KHDRBS3: variants seen among roughly 807,000 people sequenced by gnomAD.
KHDRBS3 encodes the protein KH RNA binding domain containing, signal transduction associated 3.
In KHDRBS3, 23 loss-of-function variants were observed where a neutral mutation model predicts 45.6. The observed-to-expected ratio is 0.50, with a 90% CI of 0.36 to 0.72. The LOEUF is 0.72. Among genes scored for constraint, KHDRBS3 ranks in the 30% least tolerant of loss-of-function variants. The probability of loss-of-function intolerance (pLI) is 0.00; values close to 1 mark genes in which losing one functional copy is unlikely to be tolerated. For missense variants in KHDRBS3, 352 were observed against 424.8 expected, an observed-to-expected ratio of 0.83 and a Z score of 1.51; for synonymous variants, 162 against 156.5, an observed-to-expected ratio of 1.04 and a Z score of -0.26.
At chr8:135,526,157 T>C (rs1825172603) in intron 2 of KHDRBS3, among the ~76,000 whole-genome samples, 1 of 152,140 alleles carries the variant, frequency 6.6e-6, no homozygotes, top group Admixed American at 6.6e-5. Context: ...AGTGTACTCT[T>C]TGATGTTTGC....
At chr8:135,638,120 C>G (rs547765353) in intron 7 of KHDRBS3, among the ~76,000 whole-genome samples, 1 of 152,212 alleles carries the variant, frequency 6.6e-6, no homozygotes, top group Non-Finnish European at 1.5e-5. Flanking sequence ...GATTTAACCC[C>G]CACATCAATG....
chr8:135,652,362 T>G (rs2131220742), downstream of KHDRBS3, among the ~76,000 whole-genome samples: 1 of 152,324 alleles, frequency 6.6e-6, no homozygotes. Context: ...AAATCATTTT[T>G]CAGATCTTAA....
intron 3 of KHDRBS3, among the ~76,000 whole-genome samples, chr8:135,548,105 A>G (rs967894832): frequency 1.3e-5 from 2 of 152,202 alleles, no homozygotes. Context: ...TTTTTGAATG[A>G]ATATGCGAAC....
At position 135,625,237 on chromosome 8, in the gene KHDRBS3, CCTT is replaced by C. The variant is rs1448842337; in HGVS notation, c.890+18202_890+18204del. On this transcript the variant is annotated intron_variant, in intron 7 of 8. Coordinates refer to ENST00000355849, the MANE Select transcript of KHDRBS3 (RefSeq NM_006558.3). The stretch of plus-strand genomic sequence containing the variant: ...GCCTCCTTCATCAGATGTCACAAAG[CCTT>C]CATCTGTGGCATACAGAATGTCTAC... 2.2e-6 allele frequency: 3 copies of C among 1,384,552 alleles called. No homozygotes were observed. In the African/African-American group the frequency reaches 4.3e-5, roughly 20 times the overall value. 85.8% of individuals were successfully genotyped at this position (1,384,552 alleles called of 1,614,324 possible). A position where few individuals can be genotyped will look rare whatever the true frequency, so the allele number is the denominator to read the frequency against.
chr8:135,596,940 G>A (rs1242402166), intron 6 of KHDRBS3, among the ~76,000 whole-genome samples: 2 of 152,044 alleles, frequency 1.3e-5, no homozygotes, highest in African/African-American at 2.4e-5. Context: ...ACATGGTCTC[G>A]TCCCTGCACC....
At chr8:135,536,234 G>GTT (rs374782370) in intron 2 of KHDRBS3, among the ~76,000 whole-genome samples, 4,480 of 86,052 alleles carry the variant, frequency 0.052, 604 homozygotes, top group East Asian at 0.3. Flanking sequence ...TTTCTGTCCA[G>GTT]TTTTTTTTTT....
chr8:135,570,652 T>C (rs2873393), intron 5 of KHDRBS3, among the ~76,000 whole-genome samples: 2,176 of 152,334 alleles, frequency 0.014, 42 homozygotes, highest in African/African-American at 0.049. Flanking sequence ...GCTCAGGCCA[T>C]TCTCCCATCC....
At chr8:135,509,952 T>C (rs78679492) in intron 1 of KHDRBS3, among the ~76,000 whole-genome samples, 10,725 of 151,244 alleles carry the variant, frequency 0.071, 841 homozygotes, top group East Asian at 0.34. Context: ...CTTAGGTACA[T>C]TGAAATTTTC....
At chr8:135,626,018 C>T in intron 7 of KHDRBS3, 1 of 652,236 alleles carries the variant, frequency 1.5e-6, no homozygotes, top group Non-Finnish European at 2.9e-6. Flanking sequence ...ACTGCCCGCA[C>T]CCAGCTCCGG....
chr8:135,460,374 A>G (rs1017598461), intron 1 of KHDRBS3, among the ~76,000 whole-genome samples: 11 of 152,186 alleles, frequency 7.2e-5, no homozygotes, highest in Admixed American at 2.0e-4. Flanking sequence ...TTTCCAAGGC[A>G]CTAGTTTTGT....
At chr8:135,564,714 T>C (rs944850109) in intron 5 of KHDRBS3, among the ~76,000 whole-genome samples, 1 of 152,246 alleles carries the variant, frequency 6.6e-6, no homozygotes, top group Non-Finnish European at 1.5e-5. Flanking sequence ...CGTTTGTATT[T>C]TGAAGCCAAT....
At chr8:135,553,650 G>A (rs928679032) in intron 4 of KHDRBS3, among the ~76,000 whole-genome samples, 3 of 152,194 alleles carry the variant, frequency 2.0e-5, no homozygotes, top group African/African-American at 7.2e-5. Flanking sequence ...TAGCTGAAGA[G>A]TAAATTCCTA....
chr8:135,652,374 G>A (rs1831447262), downstream of KHDRBS3, among the ~76,000 whole-genome samples: 1 of 152,204 alleles, frequency 6.6e-6, no homozygotes, highest in African/African-American at 2.4e-5. Flanking sequence ...AGATCTTAAT[G>A]TGATGAGTCC....
chr8:135,547,585 T>A (rs1430546615), intron 3 of KHDRBS3, among the ~76,000 whole-genome samples: 1 of 152,044 alleles, frequency 6.6e-6, no homozygotes, highest in African/African-American at 2.4e-5. Context: ...TTTGTAAGAG[T>A]TCAAATTAGT....
At position 135,530,706 on chromosome 8, in the gene KHDRBS3, G is replaced by A. The variant is rs763317809; in HGVS notation, c.207+9351G>A. Among the ~76,000 whole-genome samples the A allele has an allele frequency of 8.5e-5, 13 of 152,104 alleles. No individual in the cohort carries two copies. In the East Asian group the frequency reaches 2.1e-3, roughly 25 times the overall value. On this transcript the variant is annotated intron_variant, in intron 2 of 8. Transcript: ENST00000355849. Reference sequence around the variant, plus strand: ...TTGGCCAACCTTGACTTTTTCCTGCGTTTTTTACTTGAGTAAATGACAGAC... The same window carrying A: ...TTGGCCAACCTTGACTTTTTCCTGCATTTTTTACTTGAGTAAATGACAGAC...
intron 7 of KHDRBS3, among the ~76,000 whole-genome samples, chr8:135,627,030 A>G (rs932694969): frequency 6.6e-6 from 1 of 152,208 alleles, no homozygotes; most frequent in Non-Finnish European, 1.5e-5. Context: ...CTATCTCTAT[A>G]TCAGAAAAAT....
chr8:135,607,124 C>A (rs565273438), intron 7 of KHDRBS3, 87 bp downstream of exon 7: 2 of 1,003,678 alleles, frequency 2.0e-6, no homozygotes, highest in South Asian at 1.6e-5. Context: ...TGGCAGTCAG[C>A]TAGAGAGGGT....
chr8:135,531,193 T>G (rs1825457617), intron 2 of KHDRBS3, among the ~76,000 whole-genome samples: 1 of 152,304 alleles, frequency 6.6e-6, no homozygotes, highest in East Asian at 1.9e-4. Flanking sequence ...TTGCTCATAT[T>G]ATATTCTGGA....
At chr8:135,508,776 C>G (rs12681655) in intron 1 of KHDRBS3, among the ~76,000 whole-genome samples, 16,152 of 152,122 alleles carry the variant, frequency 0.11, 962 homozygotes, top group East Asian at 0.19. Context: ...TAAGAATAAT[C>G]CTCAATTATT....
Sources: gnomAD v4.1 joint callset for allele counts (sites outside exome capture counted in the v4.1 genomes callset) on GRCh38, gnomAD v4.1.1 for gene constraint, MANE v1.5 for transcripts, NCBI Gene and HGNC (gene_info 2026-07-23, HGNC 2026-07-21) for gene names.